The following ZNF695 variants were observed in gnomAD, a reference collection of about 807,000 sequenced individuals.
ZNF695 encodes the protein zinc finger protein 695.
Under a neutral mutation model 11.2 loss-of-function variants are expected in ZNF695, and 11 were observed. That is an observed-to-expected ratio of 0.98 (90% CI 0.62 to 1.62). The LOEUF (loss-of-function observed/expected upper bound fraction) is 1.62, where lower values mean the gene tolerates loss of function less well. ZNF695 is among the 40% of genes most tolerant of loss of function. ZNF695 has a pLI of 0.00. For missense variants in ZNF695, 559 were observed against 590.5 expected (o/e 0.95, Z 0.55); for synonymous variants, 190 against 201.4 (o/e 0.94, Z 0.48).
At chr1:246,998,192 T>A (rs543522934) in intron 3 of ZNF695, among the ~76,000 whole-genome samples, 1 of 152,166 alleles carries the variant, frequency 6.6e-6, no homozygotes, top group Non-Finnish European at 1.5e-5. Flanking sequence ...CACATACATA[T>A]ATACACACAC....
chr1:246,958,893 G>A (rs931961063), intron 5 of ZNF695, among the ~76,000 whole-genome samples: 3 of 152,070 alleles, frequency 2.0e-5, no homozygotes, highest in South Asian at 2.1e-4. Context: ...TGCCACTCAC[G>A]GGGAAGAAGA....
chr1:246,976,918 TGAGAA>T (rs1668582791), intron 4 of ZNF695, among the ~76,000 whole-genome samples: 5 of 152,158 alleles, frequency 3.3e-5, no homozygotes, highest in African/African-American at 1.2e-4. Context: ...AAAACCAGAA[TGAGAA>T]GCAGCTACTT....
At chr1:246,965,239 C>A (rs1668257310) in intron 5 of ZNF695, among the ~76,000 whole-genome samples, 1 of 151,916 alleles carries the variant, frequency 6.6e-6, no homozygotes, top group African/African-American at 2.4e-5. Context: ...CGCCTGTAGT[C>A]CCAGCTACTC....
chr1:246,945,633 T>C (rs528805814), downstream of ZNF695: 3 of 675,000 alleles, frequency 4.4e-6, no homozygotes, highest in Non-Finnish European at 7.4e-6. Context: ...AAAACCAACA[T>C]GGAAGAACAA....
At chr1:247,006,472 A>G (rs1165911627) in intron 1 of ZNF695, among the ~76,000 whole-genome samples, 2 of 152,006 alleles carry the variant, frequency 1.3e-5, no homozygotes, top group Non-Finnish European at 2.9e-5. Context: ...TTAGCCGGGC[A>G]TGGTGGCGCC....
intron 1 of ZNF695, 50 bp from the exon 2 acceptor site, chr1:247,000,124 T>G (rs1342774230): frequency 6.6e-7 from 1 of 1,514,434 alleles, no homozygotes; most frequent in South Asian, 1.3e-5. Flanking sequence ...GTTCTTAATT[T>G]GACTACAGGC....
intron 1 of ZNF695, among the ~76,000 whole-genome samples, chr1:247,005,646 G>C (rs891289635): frequency 1.3e-5 from 2 of 151,952 alleles, no homozygotes; most frequent in Non-Finnish European, 2.9e-5. Context: ...CCCAGGGGAT[G>C]ACAGAGTGAG....
chr1:246,985,586 A>C lies in ZNF695; in HGVS notation c.*1381T>G, dbSNP rs1668825590. On this transcript the variant is annotated 3_prime_UTR_variant, in exon 4 of 4. Transcript: ENST00000339986. Reference sequence around the variant, plus strand: ...GTAGGATACGCATCACTTAATGTACAACGGTCCAAAGACATTAAAACAATG... The same window carrying C: ...GTAGGATACGCATCACTTAATGTACCACGGTCCAAAGACATTAAAACAATG... 1 of 976,070 alleles carries C rather than the reference A, an allele frequency of 1.0e-6. No homozygotes were observed. Among genetic ancestry groups the C allele is most frequent in the Admixed American group, 7.1e-5 (1 of 14,166 alleles). 60.5% of individuals were successfully genotyped at this position (976,070 alleles called of 1,614,324 possible).
chr1:246,984,015 G>A (rs981110214), downstream of ZNF695, among the ~76,000 whole-genome samples: 1 of 151,460 alleles, frequency 6.6e-6, no homozygotes, highest in Admixed American at 6.6e-5. Flanking sequence ...AGCTAGGAGT[G>A]GGGGTGCACA....
downstream of ZNF695, among the ~76,000 whole-genome samples, chr1:246,980,775 G>C (rs998652789): frequency 6.6e-6 from 1 of 152,062 alleles, no homozygotes; most frequent in African/African-American, 2.4e-5. Context: ...CACATGATGG[G>C]ATACTCATCA....
At chr1:246,988,901 C>T (rs1255673397) in intron 3 of ZNF695, among the ~76,000 whole-genome samples, 7 of 151,846 alleles carry the variant, frequency 4.6e-5, no homozygotes, top group Non-Finnish European at 1.0e-4. Flanking sequence ...CCGTCCTGGC[C>T]AACACAGTGA....
intron 5 of ZNF695, among the ~76,000 whole-genome samples, chr1:246,947,462 A>C (rs1572499902): frequency 1.3e-5 from 2 of 152,268 alleles, no homozygotes; most frequent in Admixed American, 1.3e-4. Context: ...AGTCTGTTCT[A>C]GATCAACACA....
chr1:246,946,163 C>T (rs576768785), intron 5 of ZNF695, among the ~76,000 whole-genome samples: 1 of 152,144 alleles, frequency 6.6e-6, no homozygotes, highest in Admixed American at 6.6e-5. Flanking sequence ...ATCATCCTCC[C>T]GCCGCTGCAT....
chr1:246,992,235 G>C (rs1669063317), intron 3 of ZNF695, among the ~76,000 whole-genome samples: 1 of 152,140 alleles, frequency 6.6e-6, no homozygotes, highest in African/African-American at 2.4e-5. Context: ...ATGAGATCCT[G>C]TCATTTGCAA....
rs1381087535 is a variant in ZNF695, at chr1:246,953,361, C to T, written c.489-7534G>A. 1.3e-5 allele frequency among the ~76,000 whole-genome samples: 2 copies of T among 152,150 alleles called. 1 individual carries two copies. Among genetic ancestry groups the T allele is most frequent in the East Asian group, 3.9e-4 (2 of 5,188 alleles). On this transcript the variant is annotated intron_variant, in intron 5 of 5. Transcript: ENST00000487338. ...AAGTGGGCCACGCCTGTAATCCCAG[C>T]ACTTTAGGAGGCCGAGGCGGGCGGA...
chr1:247,007,115 G>A (rs1318084025), intron 1 of ZNF695, among the ~76,000 whole-genome samples: 1 of 152,156 alleles, frequency 6.6e-6, no homozygotes, highest in African/African-American at 2.4e-5. Context: ...TTCAAGTTTA[G>A]CCCCAAACCA....
Position 246,987,749 on chromosome 1 carries a change from C to A in ZNF695, c.766G>T (p.Ala256Ser). The A allele has an allele frequency of 6.3e-7, 1 of 1,589,052 alleles. No homozygotes were observed. Among genetic ancestry groups the A allele is most frequent in the Non-Finnish European group, 8.5e-7 (1 of 1,171,792 alleles). Residue 256 changes from alanine to serine, a missense_variant, in exon 4 of 4, where the codon GCT becomes TCT. Coordinates refer to ENST00000339986, the MANE Select transcript of ZNF695 (RefSeq NM_020394.5). ...TCAGTATGATTTTTCTCAACAACAG[C>A]AAGACTTGAGCAAGACTTAAAAATG... ...NNIFKSCSSLAVVEKNHTEKK... is the reference protein window; with the variant it reads ...NNIFKSCSSLSVVEKNHTEKK...
chr1:246,958,025 G>A (rs1668044581), intron 5 of ZNF695, among the ~76,000 whole-genome samples: 1 of 151,546 alleles, frequency 6.6e-6, no homozygotes, highest in Non-Finnish European at 1.5e-5. Flanking sequence ...AATCTAGGCA[G>A]GGACTTGGTT....
intron 5 of ZNF695, among the ~76,000 whole-genome samples, chr1:246,963,540 A>G (rs1310311112): frequency 6.6e-6 from 1 of 152,200 alleles, no homozygotes; most frequent in Non-Finnish European, 1.5e-5. Flanking sequence ...AAACAAGTAA[A>G]TTCTACGCTA....
Sources: gnomAD v4.1 joint callset for allele counts (sites outside exome capture counted in the v4.1 genomes callset) on GRCh38, gnomAD v4.1.1 for gene constraint, MANE v1.5 for transcripts, NCBI Gene and HGNC (gene_info 2026-07-23, HGNC 2026-07-21) for gene names.